Variants in SLIT3 observed in about 807,000 individuals in gnomAD.
SLIT3 encodes slit homolog 3 protein.
Under a neutral mutation model 184.0 loss-of-function variants are expected in SLIT3, and 68 were observed. That is an observed-to-expected ratio of 0.37 (90% CI 0.30 to 0.45). SLIT3 has a LOEUF of 0.45. Among genes scored for constraint, SLIT3 ranks in the 20% least tolerant of loss-of-function variants. The probability of loss-of-function intolerance (pLI) is 1.00; values close to 1 mark genes in which losing one functional copy is unlikely to be tolerated. For synonymous variants in SLIT3, 831 were observed against 828.6 expected (o/e 1.00, Z -0.05); for missense variants, 1,707 against 2,026.0 (o/e 0.84, Z 3.02).
intron 4 of SLIT3, among the ~76,000 whole-genome samples, chr5:168,953,946 G>A (rs1198133566): frequency 6.6e-6 from 1 of 152,158 alleles, no homozygotes; most frequent in Admixed American, 6.5e-5. Flanking sequence ...CTGAGTTGAC[G>A]ACTTCTAGAA....
intron 18 of SLIT3, among the ~76,000 whole-genome samples, chr5:168,751,345 G>A (rs1486517375): frequency 1.3e-5 from 2 of 152,148 alleles, no homozygotes; most frequent in African/African-American, 4.8e-5. Context: ...ATAAACCAGC[G>A]ACTAAGGATA....
intron 4 of SLIT3, among the ~76,000 whole-genome samples, chr5:169,113,163 T>C (rs764040589): frequency 6.6e-6 from 1 of 152,208 alleles, no homozygotes; most frequent in African/African-American, 2.4e-5. Context: ...CAGCCGTCCC[T>C]AGAACCCTTC....
chr5:169,082,721 G>GA (rs1759121019), intron 4 of SLIT3, among the ~76,000 whole-genome samples: 1 of 152,208 alleles, frequency 6.6e-6, no homozygotes, highest in African/African-American at 2.4e-5. Context: ...ATGAAGAGTA[G>GA]AAAAATAGTA....
At chr5:168,680,690 G>A (rs966997625) in intron 32 of SLIT3, among the ~76,000 whole-genome samples, 3 of 152,182 alleles carry the variant, frequency 2.0e-5, no homozygotes, top group Non-Finnish European at 4.4e-5. Context: ...GTCAGCTCAG[G>A]CTGTGCCCTC....
At chr5:168,816,897 T>C (rs1757349061) in intron 8 of SLIT3, among the ~76,000 whole-genome samples, 1 of 152,220 alleles carries the variant, frequency 6.6e-6, no homozygotes, top group Non-Finnish European at 1.5e-5. Context: ...GCCAAGCAGC[T>C]GACTCCAGAG....
intron 4 of SLIT3, among the ~76,000 whole-genome samples, chr5:168,988,188 G>A (rs111930107): frequency 5.3e-5 from 8 of 152,180 alleles, no homozygotes; most frequent in African/African-American, 1.2e-4. Flanking sequence ...GTTTTAAAAC[G>A]GGAAGCCCTG....
intron 7 of SLIT3, among the ~76,000 whole-genome samples, chr5:168,822,512 C>T (rs140436001): frequency 5.1e-4 from 78 of 152,242 alleles, no homozygotes; most frequent in Middle Eastern, 6.8e-3. Context: ...CAAGTCTGAA[C>T]CTCTCTGGAA....
intron 6 of SLIT3, among the ~76,000 whole-genome samples, chr5:168,834,686 CAAAAAAAAAAAAAAAAA>C (rs540528948): frequency 0.027 from 1,004 of 37,306 alleles, 16 homozygotes; most frequent in Middle Eastern, 0.038. Context: ...GACTCTGTCT[CAAAAAAAAAAAAAAAAA>C]AAAAAAAAAA....
Position 168,783,011 on chromosome 5 carries a change from T to C in SLIT3, c.1151+2896A>G, listed in dbSNP as rs573321268. 7.9e-5 allele frequency among the ~76,000 whole-genome samples: 12 copies of C among 152,348 alleles called. No homozygotes were observed. The South Asian group carries it at 2.5e-3, about 32-fold the overall frequency. ...ATGTTTAGTATAAGAAAGAGCTTTC[T>C]AACCTTCCAACTAGGCAGTGAGGAC... On this transcript the variant is annotated intron_variant, in intron 12 of 35. Transcript: ENST00000519560.
intron 9 of SLIT3, among the ~76,000 whole-genome samples, chr5:168,805,230 C>T (rs1403487987): frequency 6.6e-6 from 1 of 151,400 alleles, no homozygotes; most frequent in South Asian, 2.1e-4. Context: ...CAGATGTTTA[C>T]TGAATGAATA....
At chr5:169,097,448 G>C (rs1360261294) in intron 4 of SLIT3, among the ~76,000 whole-genome samples, 2 of 152,124 alleles carry the variant, frequency 1.3e-5, no homozygotes, top group Non-Finnish European at 1.5e-5. Context: ...AGAGAAAAGG[G>C]AAGAAGGAAG....
At chr5:169,249,018 C>T (rs1215788765) in intron 2 of SLIT3, among the ~76,000 whole-genome samples, 1 of 152,144 alleles carries the variant, frequency 6.6e-6, no homozygotes, top group Non-Finnish European at 1.5e-5. Flanking sequence ...TCTTTTCTAG[C>T]TTCTCTAGAA....
chr5:168,708,677 C>CGTGTG (rs1262932553), intron 25 of SLIT3: 1 of 156,240 alleles, frequency 6.4e-6, no homozygotes, highest in Non-Finnish European at 1.4e-5. Context: ...CCGTTTCAGC[C>CGTGTG]GTGTGCTTGC....
chr5:168,976,577 C>A (rs1459628740), intron 4 of SLIT3, among the ~76,000 whole-genome samples: 1 of 152,168 alleles, frequency 6.6e-6, no homozygotes, highest in Admixed American at 6.5e-5. Flanking sequence ...AGCAGATTTT[C>A]ATATTTACTG....
chr5:169,006,201 A>G (rs78802125), intron 4 of SLIT3, among the ~76,000 whole-genome samples: 2,193 of 152,352 alleles, frequency 0.014, 20 homozygotes, highest in Middle Eastern at 0.048. Flanking sequence ...ACTACCAACC[A>G]GCCTGGCCAT....
chr5:169,002,141 C>A (rs1396244310), intron 4 of SLIT3, among the ~76,000 whole-genome samples: 1 of 151,292 alleles, frequency 6.6e-6, no homozygotes, highest in Admixed American at 6.6e-5. Flanking sequence ...TGGTGAAACC[C>A]CATTTCTACT....
intron 4 of SLIT3, among the ~76,000 whole-genome samples, chr5:168,988,911 T>C (rs1345661635): frequency 4.6e-5 from 7 of 152,202 alleles, no homozygotes; most frequent in Admixed American, 3.9e-4. Context: ...AGGCCAGCAT[T>C]TGTCCTCACT....
intron 4 of SLIT3, among the ~76,000 whole-genome samples, chr5:169,082,228 A>G (rs17734829): frequency 0.042 from 6,384 of 152,252 alleles, 434 homozygotes; most frequent in East Asian, 0.25. Context: ...TTTCTATGCC[A>G]AGTCTAAAGC....
chr5:168,756,237 T>C (rs746422665), intron 16 of SLIT3, among the ~76,000 whole-genome samples: 8 of 152,204 alleles, frequency 5.3e-5, no homozygotes, highest in Non-Finnish European at 7.3e-5. Flanking sequence ...TCTAGGACCA[T>C]ACCAAGTCCC....
Sources: gnomAD v4.1 joint callset for allele counts (sites outside exome capture counted in the v4.1 genomes callset) on GRCh38, gnomAD v4.1.1 for gene constraint, MANE v1.5 for transcripts, NCBI Gene and HGNC (gene_info 2026-07-23, HGNC 2026-07-21) for gene names.